The following RALGAPB variants were observed in gnomAD, a reference collection of about 807,000 sequenced individuals.
RALGAPB encodes ral GTPase-activating protein subunit beta.
In RALGAPB, 25 loss-of-function variants were observed where a neutral mutation model predicts 161.1. The ratio of observed to expected loss-of-function variants is 0.16; its 90% CI spans 0.11 to 0.22. The LOEUF is 0.22. Among genes scored for constraint, RALGAPB ranks in the 10% least tolerant of loss-of-function variants. RALGAPB has a pLI of 1.00. For missense variants in RALGAPB, 1,391 were observed against 1,815.2 expected, an observed-to-expected ratio of 0.77 and a Z score of 4.25; for synonymous variants, 629 against 626.1, an observed-to-expected ratio of 1.00 and a Z score of -0.07.
At chr20:38,531,299 A>G (rs2086644323) in intron 14 of RALGAPB, 68 bp downstream of exon 14, 1 of 1,339,672 alleles carries the variant, frequency 7.5e-7, no homozygotes, top group Non-Finnish European at 1.1e-6. Flanking sequence ...ATATTCCAGA[A>G]TGTCCATCTT....
At chr20:38,526,084 T>C (rs374195540) in intron 13 of RALGAPB, 42 bp downstream of exon 13, 16 of 1,605,446 alleles carry the variant, frequency 1.0e-5, no homozygotes, top group African/African-American at 1.3e-5. Context: ...ACCAAAGTAC[T>C]GTTGACTACA....
intron 21 of RALGAPB, among the ~76,000 whole-genome samples, chr20:38,552,142 T>TC (rs1401509113): frequency 4.8e-5 from 7 of 144,652 alleles, no homozygotes; most frequent in Admixed American, 4.7e-4. Flanking sequence ...AAAGGCTGAT[T>TC]TTTTTTTTTT....
chr20:38,524,087 T>A (rs768942359), intron 10 of RALGAPB, among the ~76,000 whole-genome samples: 18 of 152,076 alleles, frequency 1.2e-4, no homozygotes, highest in Non-Finnish European at 2.2e-4. Context: ...AATAGAAGAG[T>A]ATAACAGTGC....
chr20:38,501,015 G>A (rs1488152447), intron 5 of RALGAPB, among the ~76,000 whole-genome samples: 3 of 152,204 alleles, frequency 2.0e-5, no homozygotes, highest in Non-Finnish European at 4.4e-5. Context: ...AAGAAGCCAT[G>A]TCTATAACGT....
Position 38,578,326 on chromosome 20 carries a change from A to G in RALGAPB, c.*3359A>G, listed in dbSNP as rs576493759. On this transcript the variant is annotated 3_prime_UTR_variant, in exon 30 of 30. Coordinates refer to ENST00000262879, the MANE Select transcript of RALGAPB (RefSeq NM_020336.4). ...GGGTTTCTTAGTAGCTAAAGAAGCC[A>G]TGTACTTCTAGTGTGTTTCTCAGAA... 1 of 152,318 alleles carries G rather than the reference A, an allele frequency of 6.6e-6. No homozygotes were observed. The highest frequency in any genetic ancestry group is 6.5e-5 in the Admixed American group (1 of 15,300). The allele number at this position is 152,318 out of a possible 1,614,324, so 9.4% of individuals were successfully genotyped here.
rs948772150 is a variant in RALGAPB, at chr20:38,472,854, G to A, written c.-246G>A. 2 of 399,100 alleles carry A rather than the reference G, an allele frequency of 5.0e-6. No individual in the cohort carries two copies. Among genetic ancestry groups the A allele is most frequent in the African/African-American group, 2.1e-5 (1 of 48,766 alleles). The allele number at this position is 399,100 out of a possible 1,614,324, so 24.7% of individuals were successfully genotyped here. On this transcript the variant is annotated 5_prime_UTR_variant, in exon 1 of 30. Coordinates refer to ENST00000262879, the MANE Select transcript of RALGAPB (RefSeq NM_020336.4). ...CCGCCGCCCCTGGCAGTCGGAAGTT[G>A]CCTGAGCAGATCCCAGCCGGCTGGC... is the stretch of plus-strand genomic sequence containing the variant.
At chr20:38,487,226 C>T (rs1203069666) in intron 1 of RALGAPB, among the ~76,000 whole-genome samples, 1 of 152,106 alleles carries the variant, frequency 6.6e-6, no homozygotes, top group African/African-American at 2.4e-5. Flanking sequence ...ATCAGTAGTT[C>T]TTTGTGGCCA....
At chr20:38,562,759 T>G in intron 24 of RALGAPB, 62 bp downstream of exon 24, 1 of 1,469,764 alleles carries the variant, frequency 6.8e-7, no homozygotes, top group East Asian at 2.3e-5. Context: ...TTTTTTTTTT[T>G]CCCCCTTTAC....
chr20:38,561,639 C>T (rs565058708), intron 23 of RALGAPB, among the ~76,000 whole-genome samples: 1 of 152,308 alleles, frequency 6.6e-6, no homozygotes, highest in African/African-American at 2.4e-5. Flanking sequence ...ATATACTCTG[C>T]TCTCTACCCT....
intron 28 of RALGAPB, among the ~76,000 whole-genome samples, chr20:38,573,186 C>A (rs1329322121): frequency 6.6e-6 from 1 of 151,806 alleles, no homozygotes; most frequent in Non-Finnish European, 1.5e-5. Context: ...CCTGCCTCGG[C>A]CTCTCAAGTT....
chr20:38,474,256 C>T (rs1197307227), intron 1 of RALGAPB, among the ~76,000 whole-genome samples: 5 of 152,102 alleles, frequency 3.3e-5, no homozygotes, highest in Non-Finnish European at 7.4e-5. Flanking sequence ...CACACTTCTG[C>T]TCTCTCCTAT....
At chr20:38,547,980 G>T (rs958588139) in intron 19 of RALGAPB, 12 of 152,118 alleles carry the variant, frequency 7.9e-5, no homozygotes, top group African/African-American at 2.9e-4. Flanking sequence ...TGCATAGGAA[G>T]TGTACCAAAA....
rs368498329 is a variant in RALGAPB, at chr20:38,546,288, C to T, written c.2760C>T (p.Ala920=). The T allele has an allele frequency of 3.0e-5, 48 of 1,614,006 alleles. No individual in the cohort carries two copies. In the African/African-American group the frequency reaches 4.7e-4, roughly 16 times the overall value. Residue 920 remains alanine, a synonymous_variant, in exon 19 of 30, where the codon GCC becomes GCT. Coordinates refer to ENST00000262879, the MANE Select transcript of RALGAPB (RefSeq NM_020336.4). ...LGAFPSPSGP[A]SPCSLVNETT... The stretch of plus-strand genomic sequence containing the variant: ...CATTTCCTTCACCTAGTGGTCCTGC[C>T]TCTCCTTGTAGTCTTGTGAATGAGA...
chr20:38,549,585 TACACAC>T (rs11470933), intron 20 of RALGAPB, among the ~76,000 whole-genome samples: 6 of 147,392 alleles, frequency 4.1e-5, no homozygotes, highest in African/African-American at 1.0e-4. Context: ...CACATACATA[TACACAC>T]ACACACACAC....
chr20:38,481,325 TAA>T (rs1339136152), intron 1 of RALGAPB, among the ~76,000 whole-genome samples: 1 of 152,196 alleles, frequency 6.6e-6, no homozygotes. Flanking sequence ...ATGCTGCTGA[TAA>T]AGACATACCC....
At chr20:38,528,615 C>A (rs1387869171) in intron 13 of RALGAPB, among the ~76,000 whole-genome samples, 1 of 152,090 alleles carries the variant, frequency 6.6e-6, no homozygotes, top group Non-Finnish European at 1.5e-5. Flanking sequence ...CCAGTCCTCC[C>A]TCCTTAGCCT....
At chr20:38,542,949 T>C (rs2087021865) in intron 18 of RALGAPB, among the ~76,000 whole-genome samples, 1 of 152,162 alleles carries the variant, frequency 6.6e-6, no homozygotes, top group African/African-American at 2.4e-5. Flanking sequence ...GGGACATTTC[T>C]CACTAGAAAC....
chr20:38,530,154 C>G (rs1040979571), intron 13 of RALGAPB, among the ~76,000 whole-genome samples: 3 of 152,154 alleles, frequency 2.0e-5, no homozygotes, highest in Admixed American at 6.5e-5. Flanking sequence ...CTGCAGTGTT[C>G]AGTCTGTTAG....
At chr20:38,495,240 A>G (rs2085391359) in intron 3 of RALGAPB, among the ~76,000 whole-genome samples, 1 of 152,006 alleles carries the variant, frequency 6.6e-6, no homozygotes, top group South Asian at 2.1e-4. Flanking sequence ...TGCCTTTGCC[A>G]TTTTGCTAGA....
Sources: gnomAD v4.1 joint callset for allele counts (sites outside exome capture counted in the v4.1 genomes callset) on GRCh38, gnomAD v4.1.1 for gene constraint, MANE v1.5 for transcripts, NCBI Gene and HGNC (gene_info 2026-07-23, HGNC 2026-07-21) for gene names.